DOCK7: variants seen among roughly 807,000 people sequenced by gnomAD.
DOCK7 encodes the protein dedicator of cytokinesis 7.
In DOCK7, 138 loss-of-function variants were observed where a neutral mutation model predicts 271.0. The ratio of observed to expected loss-of-function variants is 0.51; its 90% confidence interval spans 0.44 to 0.59. The LOEUF (loss-of-function observed/expected upper bound fraction) is 0.59. DOCK7 is among the 20% of genes least tolerant of loss of function. The pLI is 0.00. For missense variants in DOCK7, 2,066 were observed against 2,592.4 expected (o/e 0.80, Z 4.41); for synonymous variants, 823 against 876.1 (o/e 0.94, Z 1.07).
chr1:62,659,346 A>G (rs1658397915), intron 2 of DOCK7, among the ~76,000 whole-genome samples: 2 of 152,210 alleles, frequency 1.3e-5, no homozygotes, highest in African/African-American at 2.4e-5. Context: ...CAATACTGTG[A>G]TAAGTCATGG....
intron 1 of DOCK7, among the ~76,000 whole-genome samples, chr1:62,680,334 T>C (rs1445273611): frequency 1.3e-5 from 2 of 152,100 alleles, no homozygotes; most frequent in Admixed American, 1.3e-4. Flanking sequence ...TGGCTAGCCA[T>C]ATGTAGAAAG....
intron 18 of DOCK7, among the ~76,000 whole-genome samples, chr1:62,576,690 A>G (rs1646950668): frequency 6.6e-6 from 1 of 152,180 alleles, no homozygotes; most frequent in African/African-American, 2.4e-5. Flanking sequence ...CTCAAGAGGA[A>G]CTTTGGTTTA....
rs1456293104 is a variant in DOCK7 at position 62,635,220 on chromosome 1, C to T, written c.886-298G>A. The T allele has an allele frequency of 2.7e-5, 5 of 186,296 alleles. No individual in the cohort carries two copies. In the Admixed American group the frequency reaches 3.0e-4, roughly 11 times the overall value. The allele number at this position is 186,296 out of a possible 1,614,324, so 11.5% of individuals were successfully genotyped here. A position where few individuals can be genotyped will look rare whatever the true frequency, so the allele number is the denominator to read the frequency against. On this transcript the variant is annotated intron_variant, in intron 8 of 49. Coordinates refer to ENST00000635253, the MANE Select transcript of DOCK7 (RefSeq NM_001367561.1). ...TTCACTGAGACCAATCTTTACATACCTAAATCAAAGTAAAAAAAGTAAACA... is the reference window on the plus strand; with the variant it reads ...TTCACTGAGACCAATCTTTACATACTTAAATCAAAGTAAAAAAAGTAAACA...
At chr1:62,604,172 TTGG>T in intron 14 of DOCK7, 1 of 1,613,342 alleles carries the variant, frequency 6.2e-7, no homozygotes. Flanking sequence ...AAACAAAGAT[TTGG>T]TGTTTTCTAC....
At chr1:62,503,173 A>C (rs1464291698) in intron 37 of DOCK7, among the ~76,000 whole-genome samples, 2 of 152,174 alleles carry the variant, frequency 1.3e-5, no homozygotes, top group African/African-American at 2.4e-5. Flanking sequence ...ACACAGTAAT[A>C]GGCTTTAATT....
At chr1:62,471,985 A>G (rs1645843137) in intron 48 of DOCK7, among the ~76,000 whole-genome samples, 2 of 152,164 alleles carry the variant, frequency 1.3e-5, no homozygotes, top group South Asian at 2.1e-4. Context: ...AAGGTATACT[A>G]TTTAGTTACC....
At chr1:62,657,112 T>C (rs1658109367) in intron 2 of DOCK7, among the ~76,000 whole-genome samples, 1 of 152,228 alleles carries the variant, frequency 6.6e-6, no homozygotes, top group African/African-American at 2.4e-5. Context: ...CTTTCCTTTA[T>C]CACTTGGGAA....
chr1:62,462,914 CTTTTTTTTT>C (rs34400688), intron 48 of DOCK7, among the ~76,000 whole-genome samples: 7 of 79,350 alleles, frequency 8.8e-5, no homozygotes, highest in African/African-American at 2.4e-4. Context: ...GTAGAAAAAG[CTTTTTTTTT>C]TTTTTTTTTT....
rs2149214158 is a variant in DOCK7 at position 62,454,799 on chromosome 1, C to T, written c.*615G>A. 5.9e-6 allele frequency: 1 copy of T among 168,498 alleles called. No homozygotes were observed. Among genetic ancestry groups the T allele is most frequent in the African/African-American group, 2.4e-5 (1 of 42,436 alleles). 10.4% of individuals were successfully genotyped at this position (168,498 alleles called of 1,614,324 possible). A position where few individuals can be genotyped will look rare whatever the true frequency, so the allele number is the denominator to read the frequency against. Reference sequence around the variant, plus strand: ...TTATCCCCGTATTTAAATTATTTTACACAAAGGTTTTACTAAGTAAAGTTC... The same window carrying T: ...TTATCCCCGTATTTAAATTATTTTATACAAAGGTTTTACTAAGTAAAGTTC... On this transcript the variant is annotated 3_prime_UTR_variant, in exon 50 of 50. Transcript: ENST00000635253.
chr1:62,471,093 A>G (rs1571208070), intron 48 of DOCK7, among the ~76,000 whole-genome samples: 1 of 152,038 alleles, frequency 6.6e-6, no homozygotes, highest in East Asian at 1.9e-4. Flanking sequence ...CTTCCTTATG[A>G]TTTTCTTAAT....
intron 1 of DOCK7, among the ~76,000 whole-genome samples, chr1:62,673,214 C>T (rs953570274): frequency 1.3e-5 from 2 of 151,994 alleles, no homozygotes; most frequent in African/African-American, 4.8e-5. Context: ...ACATAATACA[C>T]TTAACATTTA....
intron 49 of DOCK7, among the ~76,000 whole-genome samples, chr1:62,456,436 A>G (rs1188137371): frequency 6.6e-6 from 1 of 152,200 alleles, no homozygotes. Context: ...ATGAGGCTTA[A>G]TATCTCCAGG....
In DOCK7 at chr1:62,688,324, GGCGCGTGCCTCCTC is replaced by G. The variant is rs1184878372; in HGVS notation, c.-74_-61del. On this transcript the variant is annotated 5_prime_UTR_variant, in exon 1 of 50. Transcript: ENST00000635253. ...GCGGCGGGCCGGGTGCGGACCGGCGGGCGCGTGCCTCCTCGCTCGTGCTCCCTCCCTCGCGGCCT... is the reference window on the plus strand; with the variant it reads ...GCGGCGGGCCGGGTGCGGACCGGCGGGCTCGTGCTCCCTCCCTCGCGGCCT... 4 of 1,112,580 alleles carry G rather than the reference GGCGCGTGCCTCCTC, an allele frequency of 3.6e-6. No homozygotes were observed. The highest frequency in any genetic ancestry group is 4.5e-6 in the Non-Finnish European group (4 of 891,372). 68.9% of individuals were successfully genotyped at this position (1,112,580 alleles called of 1,614,324 possible).
At chr1:62,624,213 CAT>C (rs1260303672) in intron 12 of DOCK7, among the ~76,000 whole-genome samples, 7 of 151,974 alleles carry the variant, frequency 4.6e-5, no homozygotes, top group South Asian at 2.1e-4. Flanking sequence ...TACATATACA[CAT>C]GTGTACACTC....
At chr1:62,506,733 A>C (rs1405973950) in intron 35 of DOCK7, among the ~76,000 whole-genome samples, 1 of 151,590 alleles carries the variant, frequency 6.6e-6, no homozygotes, top group Non-Finnish European at 1.5e-5. Context: ...GGATCACCTG[A>C]GGTCAGGAGT....
intron 31 of DOCK7, among the ~76,000 whole-genome samples, chr1:62,520,320 T>A (rs921140387): frequency 2.6e-5 from 4 of 151,954 alleles, no homozygotes; most frequent in African/African-American, 9.7e-5. Context: ...AGGCAACCTA[T>A]AGAATGGGAG....
At chr1:62,519,026 C>CACACACAA (rs1002032468) in intron 31 of DOCK7, among the ~76,000 whole-genome samples, 6 of 151,796 alleles carry the variant, frequency 4.0e-5, no homozygotes, top group African/African-American at 1.4e-4. Context: ...CACACACACA[C>CACACACAA]ACACACAGAG....
chr1:62,548,141 A>G (rs908981221), intron 22 of DOCK7, among the ~76,000 whole-genome samples: 1 of 152,096 alleles, frequency 6.6e-6, no homozygotes, highest in Non-Finnish European at 1.5e-5. Flanking sequence ...TGTTAAAGGG[A>G]GATAAACACT....
Position 62,584,223 on chromosome 1 carries a change from A to G in DOCK7, c.1801-969T>C, listed in dbSNP as rs1268633090. 3 of 981,400 alleles carry G rather than the reference A, an allele frequency of 3.1e-6. No homozygotes were observed. The African/African-American group carries it at 5.3e-5, about 17-fold the overall frequency. The allele number at this position is 981,400 out of a possible 1,614,324, so 60.8% of individuals were successfully genotyped here. A position where few individuals can be genotyped will look rare whatever the true frequency, so the allele number is the denominator to read the frequency against. ...TGCAACATTTCAAGCAGGCTCTTTT[A>G]TTTTAAGGGTATGTACAAGTGTAAT... On this transcript the variant is annotated intron_variant, in intron 15 of 49. Coordinates refer to ENST00000635253, the MANE Select transcript of DOCK7 (RefSeq NM_001367561.1).
Sources: gnomAD v4.1 joint callset for allele counts (sites outside exome capture counted in the v4.1 genomes callset) on GRCh38, gnomAD v4.1.1 for gene constraint, MANE v1.5 for transcripts, NCBI Gene and HGNC (gene_info 2026-07-23, HGNC 2026-07-21) for gene names.